The following EPPK1 variants were observed in gnomAD, a reference collection of about 807,000 sequenced individuals.
The protein encoded by EPPK1 is epiplakin.
For missense variants in EPPK1, 3,823 were observed against 3,673.3 expected, an observed-to-expected ratio of 1.04 and a Z score of -1.05; for synonymous variants, 1,862 against 1,721.2, an observed-to-expected ratio of 1.08 and a Z score of -2.03.
rs1554661144 is a variant in EPPK1, at chr8:143,871,419, A to G, written c.1835T>C (p.Ile612Thr). The G allele has an allele frequency of 6.2e-7, 1 of 1,604,736 alleles. No homozygotes were observed. Among genetic ancestry groups the G allele is most frequent in the South Asian group, 1.1e-5 (1 of 89,756 alleles). The change falls in exon 2 of 2, where the codon ATT (isoleucine) becomes ACT (threonine). Residue 612 changes from isoleucine (I) to threonine (T), a missense_variant. Transcript: ENST00000615648. The part of the protein sequence containing the change: ...VQRYLQGTGC[I>T]AGLLLPGSQE... ...GGAGCCAGGGAGCAGCAGGCCAGCA[A>G]TGCAGCCCGTACCCTGCAGGTACCT... is the stretch of plus-strand genomic sequence containing the variant.
Position 143,872,169 on chromosome 8 carries a change from G to A in EPPK1, c.1085C>T (p.Ala362Val), listed in dbSNP as rs1819375891. Residue 362 changes from alanine (A) to valine (V), a missense_variant, in exon 2 of 2, where the codon GCC becomes GTC. Ala to Val is a moderately conservative substitution (Grantham distance 64). Transcript: ENST00000615648. ...GAAGGGGTCGTGGTGCCCTGTCACG[G>A]CCTGCTCGGCCACCAGGAGCTGCTC... The part of the protein sequence containing the change: ...LHEQLLVAEQ[A>V]VTGHHDPFSG... 1 of 1,588,718 alleles carries A rather than the reference G, an allele frequency of 6.3e-7. No homozygotes were observed.
chr8:143,866,570 G>A lies in EPPK1; in HGVS notation c.6684C>T (p.Gly2228=), dbSNP rs1819113065. The A allele has an allele frequency of 3.7e-6, 6 of 1,609,596 alleles. No individual in the cohort carries two copies. Among genetic ancestry groups the A allele is most frequent in the Non-Finnish European group, 4.2e-6 (5 of 1,178,500 alleles). ...GCTGGTCCTTGGCGGGCACCAGGAC[G>A]CCCGCGATGCAGCTGGTGCCCTCCA... ...RYLEGTSCIA[G]VLVPAKDQPG... is the part of the protein sequence containing the mutation. Residue 2228 remains glycine (G), a synonymous_variant, in exon 2 of 2, where the codon GGC becomes GGT. Transcript: ENST00000615648.
In EPPK1 at chr8:143,867,007, A is replaced by G. The variant is rs1405753716; in HGVS notation, c.6247T>C (p.Phe2083Leu). 3 of 1,612,510 alleles carry G rather than the reference A, an allele frequency of 1.9e-6. No homozygotes were observed. The highest frequency in any genetic ancestry group is 2.5e-6 in the Non-Finnish European group (3 of 1,179,836). Residue 2083 changes from phenylalanine to leucine, a missense_variant, in exon 2 of 2, where the codon TTC becomes CTC. Transcript: ENST00000615648. ...TCCCGTGCAGCCTTGTTCACTGGGA[A>G]CAGCAGCCAGCCCGTGTCCTCTTGT... ...RPQEDTGWLL[F>L]PVNKAARDSE...
At position 143,871,292 on chromosome 8, in the gene EPPK1, G is replaced by A. The variant is rs782385683; in HGVS notation, c.1962C>T (p.Ile654=). 19 of 1,612,542 alleles carry A rather than the reference G, an allele frequency of 1.2e-5. 1 individual carries two copies. The highest frequency in any genetic ancestry group is 3.3e-5 in the Admixed American group (2 of 59,942). ...LEAQAATGFI[I]DPKANKGHSV... ...AGTGCCCCTTGTTTGCTTTTGGGTC[G>A]ATGATGAAGCCTGTGGCAGCTTGTG... The change falls in exon 2 of 2, where the codon ATC becomes ATT. Residue 654 remains isoleucine, a synonymous_variant. Coordinates refer to ENST00000615648, the MANE Select transcript of EPPK1 (RefSeq NM_031308.4).
Position 143,866,695 on chromosome 8 carries a change from G to T in EPPK1, c.6559C>A (p.Leu2187Ile). The stretch of plus-strand genomic sequence containing the variant: ...TCCTCCGTGATTATGGCTGAGCTGA[G>T]GAGTTCAGAAGCTGTGATCTGTCGT... ...IRRQITASEL[L>I]SSAIITEEML... Residue 2187 changes from leucine to isoleucine, a missense_variant, in exon 2 of 2, where the codon CTC (leucine) becomes ATC (isoleucine). By Grantham distance (5) the Leu-to-Ile change is conservative. Transcript: ENST00000615648. 6.2e-7 allele frequency: 1 copy of T among 1,613,344 alleles called. No individual in the cohort carries two copies. The highest frequency in any genetic ancestry group is 1.1e-5 in the South Asian group (1 of 91,088).
Position 143,865,984 on chromosome 8 carries a change from C to T in EPPK1, c.7270G>A (p.Val2424Met). The T allele has an allele frequency of 1.4e-4, 20 of 141,010 alleles. No individual in the cohort carries two copies. The highest frequency in any genetic ancestry group is 3.5e-4 in the African/African-American group (1 of 2,852). The allele number at this position is 141,010 out of a possible 1,614,324, so 8.7% of individuals were successfully genotyped here. A position where few individuals can be genotyped will look rare whatever the true frequency, so the allele number is the denominator to read the frequency against. Residue 2424 changes from valine (V) to methionine (M), a missense_variant, in exon 2 of 2, where the codon GTG (valine) becomes ATG (methionine). Transcript: ENST00000615648. ...CGCAGCTCCTCGCTCAGCTGGTGCA[C>T]GGCGGAGCCCCGGCCTGCCAGCTGC... ...MLQLAGRGSA[V>M]HQLSEELRCA...
chr8:143,873,040 G>A lies in EPPK1; in HGVS notation c.214C>T (p.Gln72Ter), dbSNP rs1586701804. The A allele has an allele frequency of 1.3e-6, 2 of 1,566,418 alleles. No individual in the cohort carries two copies. Reference sequence around the variant, plus strand: ...GCTGCCTGGGCCTCTAGCAGAGCCTGCCCGAGCCCAGCAGGCAGGAGGCCC... The same window carrying A: ...GCTGCCTGGGCCTCTAGCAGAGCCTACCCGAGCCCAGCAGGCAGGAGGCCC... ...EQGLLPAGLGQALLEAQAATG... is the reference protein window; with the variant it reads ...EQGLLPAGLG Residue 72 changes from glutamine to a stop codon, truncating the protein, a stop_gained, in exon 2 of 2, where the codon CAG becomes TAG. Coordinates refer to ENST00000615648, the MANE Select transcript of EPPK1 (RefSeq NM_031308.4). LOFTEE classifies it low-confidence loss of function (END_TRUNC).
chr8:143,857,608 T>C lies in EPPK1; in HGVS notation c.*379A>G, dbSNP rs1586677834. 3 of 220,454 alleles carry C rather than the reference T, an allele frequency of 1.4e-5. No homozygotes were observed. In the East Asian group the frequency reaches 2.9e-4, roughly 21 times the overall value. The allele number at this position is 220,454 out of a possible 1,614,324, so 13.7% of individuals were successfully genotyped here. The stretch of plus-strand genomic sequence containing the variant: ...GCACATCGTTAGGGAAATAACCGCA[T>C]GTAATAAAAATTACACTGCAACAAG... On this transcript the variant is annotated 3_prime_UTR_variant, in exon 2 of 2. Coordinates refer to ENST00000615648, the MANE Select transcript of EPPK1 (RefSeq NM_031308.4).
In EPPK1 at chr8:143,868,961, C is replaced by CA. The variant is rs1554660169; in HGVS notation, c.4292dup (p.Leu1432ValfsTer10). The CA allele has an allele frequency of 2.5e-6, 4 of 1,610,746 alleles. No individual in the cohort carries two copies. The South Asian group carries it at 4.4e-5, about 18-fold the overall frequency. On this transcript the variant is annotated frameshift_variant, in exon 2 of 2. Coordinates refer to ENST00000615648, the MANE Select transcript of EPPK1 (RefSeq NM_031308.4). LOFTEE classifies it low-confidence loss of function (END_TRUNC). ...GCACTGTGTCTGAGGGCAGTGGCAACAGCAACAATCCGGTCTCGGAGTCGC... is the reference window on the plus strand; with the variant it reads ...GCACTGTGTCTGAGGGCAGTGGCAACAAGCAACAATCCGGTCTCGGAGTCGC...
chr8:143,868,269 G>A lies in EPPK1; in HGVS notation c.4985C>T (p.Ser1662Phe), dbSNP rs373351287. The A allele has an allele frequency of 2.1e-5, 34 of 1,613,126 alleles. No individual in the cohort carries two copies. Among genetic ancestry groups the A allele is most frequent in the Middle Eastern group, 1.6e-4 (1 of 6,084 alleles). Residue 1662 changes from serine to phenylalanine, a missense_variant, in exon 2 of 2, where the codon TCC becomes TTC. Physicochemically the swap from Ser to Phe is radical, Grantham distance 155. Coordinates refer to ENST00000615648, the MANE Select transcript of EPPK1 (RefSeq NM_031308.4). ...YTDPYTGQQI[S>F]LFQAMQKDLI... ...GTCCTTCTGCATGGCCTGGAAGAGG[G>A]AGATCTGCTGCCCGGTATAGGGGTC...
Position 143,868,865 on chromosome 8 carries a change from C to G in EPPK1, c.4389G>C (p.Lys1463Asn). Reference sequence around the variant, plus strand: ...GGTCCCAGAGTGACACGCTACACCCCTTAAACCTCCCTGTGCTGACGGGCA... The same window carrying G: ...GGTCCCAGAGTGACACGCTACACCCGTTAAACCTCCCTGTGCTGACGGGCA... ...MKVPVSTGRF[K>N]GCSVSLWDLL... Residue 1463 changes from lysine to asparagine, a missense_variant, in exon 2 of 2, where the codon AAG becomes AAC. By Grantham distance (94) the Lys-to-Asn change is moderately conservative. Transcript: ENST00000615648. 1 of 1,610,094 alleles carries G rather than the reference C, an allele frequency of 6.2e-7. No homozygotes were observed. Among genetic ancestry groups the G allele is most frequent in the South Asian group, 1.1e-5 (1 of 91,054 alleles).
chr8:143,876,900 C>T (rs1819490728), intron 1 of EPPK1, among the ~76,000 whole-genome samples: 1 of 152,072 alleles, frequency 6.6e-6, no homozygotes, highest in Non-Finnish European at 1.5e-5. Flanking sequence ...GGGGCAGGGC[C>T]AGTGAGGGTG....
Position 143,867,189 on chromosome 8 carries a change from T to C in EPPK1, c.6065A>G (p.His2022Arg). 6.2e-7 allele frequency: 1 copy of C among 1,612,704 alleles called. No individual in the cohort carries two copies. The highest frequency in any genetic ancestry group is 8.5e-7 in the Non-Finnish European group (1 of 1,179,816). ...ATGGVIDPQHHHRLPLETAYR... is the reference protein window; with the variant it reads ...ATGGVIDPQHRHRLPLETAYR... ...GGCTGTTTCCAGTGGGAGCCGGTGG[T>C]GGTGCTGTGGGTCGATGACACCCCC... Residue 2022 changes from histidine (H) to arginine (R), a missense_variant, in exon 2 of 2, where the codon CAC (histidine) becomes CGC (arginine). His to Arg is a conservative substitution (Grantham distance 29, BLOSUM62 0). Transcript: ENST00000615648.
In EPPK1 at chr8:143,867,743, T is replaced by C; in HGVS notation, c.5511A>G (p.Glu1837=). The C allele has an allele frequency of 2.5e-6, 4 of 1,613,766 alleles. No individual in the cohort carries two copies. Among genetic ancestry groups the C allele is most frequent in the Non-Finnish European group, 3.4e-6 (4 of 1,179,864 alleles). ...TGATGCCTTGGTTTTGCGTCTCTGT[T>C]TCTTCAATTGTCGTGGTGATGATTT... The part of the protein sequence containing the change: ...LLEIITTTIE[E]TETQNQGIKV... The change falls in exon 2 of 2, where the codon GAA becomes GAG. Residue 1837 remains glutamate (E), a synonymous_variant. Transcript: ENST00000615648.
Position 143,869,545 on chromosome 8 carries a change from C to T in EPPK1, c.3709G>A (p.Ala1237Thr). ...QSPAQVAEQP[A>T]VKACLWGTGC... ...GTGCCCCACAGGCAGGCCTTCACCG[C>T]CGGCTGCTCGGCGACCTGGGCGGGC... The change falls in exon 2 of 2, where the codon GCG (alanine) becomes ACG (threonine). Residue 1237 changes from alanine to threonine, a missense_variant. Physicochemically the swap from Ala to Thr is moderately conservative, Grantham distance 58. Transcript: ENST00000615648. 1 of 1,560,478 alleles carries T rather than the reference C, an allele frequency of 6.4e-7. No individual in the cohort carries two copies. The highest frequency in any genetic ancestry group is 8.7e-7 in the Non-Finnish European group (1 of 1,155,314).
chr8:143,857,901 A>AC lies in EPPK1; in HGVS notation c.*85_*86insG. ...ACAACAAAATTAAAGAATGACAAAA[A>AC]AAAAAAAAAAAAAAAAAACAACCCA... is the stretch of plus-strand genomic sequence containing the variant. On this transcript the variant is annotated 3_prime_UTR_variant, in exon 2 of 2. Transcript: ENST00000615648. 1 of 714,942 alleles carries AC rather than the reference A, an allele frequency of 1.4e-6. No individual in the cohort carries two copies. Among genetic ancestry groups the AC allele is most frequent in the Non-Finnish European group, 2.1e-6 (1 of 487,134 alleles). The allele number at this position is 714,942 out of a possible 1,614,324, so 44.3% of individuals were successfully genotyped here.
Position 143,867,054 on chromosome 8 carries a change from T to G in EPPK1, c.6200A>C (p.Glu2067Ala), listed in dbSNP as rs373346250. The G allele has an allele frequency of 6.2e-7, 1 of 1,612,860 alleles. No homozygotes were observed. The highest frequency in any genetic ancestry group is 8.5e-7 in the Non-Finnish European group (1 of 1,179,860). ...TTGTGGGCGGCACCTCTCCTGCAGC[T>G]CTCGGTACGAGACCTTCTCTTGCGT... ...PNTQEKVSYRELQERCRPQED... is the reference protein window; with the variant it reads ...PNTQEKVSYRALQERCRPQED... Residue 2067 changes from glutamate to alanine, a missense_variant, in exon 2 of 2, where the codon GAG becomes GCG. Coordinates refer to ENST00000615648, the MANE Select transcript of EPPK1 (RefSeq NM_031308.4).
intron 1 of EPPK1, among the ~76,000 whole-genome samples, chr8:143,875,890 G>C (rs1819467889): frequency 6.6e-6 from 1 of 152,210 alleles, no homozygotes; most frequent in Non-Finnish European, 1.5e-5. Context: ...ATGTGCGTGT[G>C]TCCCAGGAGG....
chr8:143,866,798 C>A lies in EPPK1; in HGVS notation c.6456G>T (p.Gln2152His), dbSNP rs192403981. ...ACTCTAAGATGAGCTGCGCTACCGT[C>A]TGCAGTGCCCGTCTGGTGTGTGTTC... is the stretch of plus-strand genomic sequence containing the variant. ...MYRTHTRRAL[Q>H]TVAQLILELI... The change falls in exon 2 of 2, where the codon CAG becomes CAT. Residue 2152 changes from glutamine to histidine, a missense_variant. By Grantham distance (24) the Gln-to-His change is conservative (BLOSUM62 0). Transcript: ENST00000615648. The A allele has an allele frequency of 2.5e-5, 41 of 1,613,460 alleles. No individual in the cohort carries two copies.
Sources: allele counts gnomAD v4.1 joint callset (sites outside exome capture counted in the v4.1 genomes callset), GRCh38; gene constraint gnomAD v4.1.1; transcripts MANE v1.5; gene names NCBI Gene and HGNC (gene_info 2026-07-23, HGNC 2026-07-21).